Variants in PMPCA observed in about 807,000 individuals in gnomAD.
PMPCA encodes mitochondrial-processing peptidase subunit alpha.
Under a neutral mutation model 59.3 loss-of-function variants are expected in PMPCA, and 47 were observed. The ratio of observed to expected loss-of-function variants is 0.79; its 90% CI spans 0.63 to 1.01. The LOEUF is 1.01. Ranked by LOEUF, PMPCA falls within the 50% of genes least tolerant of loss-of-function variation. PMPCA has a pLI of 0.00. For synonymous variants in PMPCA, 338 were observed against 290.3 expected (o/e 1.16, Z -1.67); for missense variants, 726 against 704.5 (o/e 1.03, Z -0.34).
chr9:136,416,291 A>C lies in PMPCA; in HGVS notation c.533A>C (p.Asp178Ala), dbSNP rs1227261787. Residue 178 changes from aspartate to alanine, a missense_variant and splice_region_variant, in exon 6 of 13, where the codon GAT becomes GCT. Asp to Ala is a moderately radical substitution (Grantham distance 126, BLOSUM62 -2). Coordinates refer to ENST00000371717, the MANE Select transcript of PMPCA (RefSeq NM_015160.3). The part of the protein sequence containing the change: ...ADVVLQPRLT[D>A]EEVEMTRMAV... ...CCCTGGCCTTTGGGTTCTCTTGCAG[A>C]TGAAGAAGTCGAGATGACGCGGATG... 2 of 1,612,156 alleles carry C rather than the reference A, an allele frequency of 1.2e-6. No individual in the cohort carries two copies. The highest frequency in any genetic ancestry group is 3.3e-5 in the Admixed American group (2 of 60,018).
intron 7 of PMPCA, 42 bp downstream of exon 7, chr9:136,417,256 C>A: frequency 6.6e-7 from 1 of 1,511,460 alleles, no homozygotes; most frequent in Non-Finnish European, 8.9e-7. Context: ...GTGGGGAACA[C>A]GTCCCCTGGC....
At chr9:136,422,777 T>A in intron 12 of PMPCA, 1 of 1,105,882 alleles carries the variant, frequency 9.0e-7, no homozygotes, top group South Asian at 3.2e-5. Context: ...GGGCTGGGGG[T>A]TTTTTCTGCA....
Position 136,417,071 on chromosome 9 carries a change from G to T in PMPCA, c.754G>T (p.Val252Leu). 6.2e-7 allele frequency: 1 copy of T among 1,614,052 alleles called. No homozygotes were observed. The highest frequency in any genetic ancestry group is 1.7e-4 in the Middle Eastern group (1 of 6,054). ...GAACTACTACACTCCCGACCGCATG[G>T]TGCTGGCCGGCGTGGGCGTGGAGCA... ...LRNYYTPDRM[V>L]LAGVGVEHEH... The change falls in exon 7 of 13, where the codon GTG becomes TTG. Residue 252 changes from valine to leucine, a missense_variant. Val to Leu is a conservative substitution (Grantham distance 32). Transcript: ENST00000371717.
intron 11 of PMPCA, among the ~76,000 whole-genome samples, chr9:136,421,629 G>T (rs1001994963): frequency 2.0e-5 from 3 of 152,216 alleles, no homozygotes; most frequent in South Asian, 2.1e-4. Context: ...AGCCAGGATG[G>T]TCTCAATCTC....
chr9:136,412,444 A>T (rs750957587), intron 2 of PMPCA, 46 bp from the exon 3 acceptor site: 2 of 943,750 alleles, frequency 2.1e-6, no homozygotes, highest in Admixed American at 2.1e-5. Context: ...ATTAAATCTT[A>T]TTTTGAATAT....
At chr9:136,414,226 G>T (rs1334706704) in intron 4 of PMPCA, among the ~76,000 whole-genome samples, 2 of 152,210 alleles carry the variant, frequency 1.3e-5, no homozygotes, top group African/African-American at 4.8e-5. Context: ...TTTGACTCAA[G>T]CTGTGTGTAG....
In PMPCA at chr9:136,423,237, G is replaced by C. The variant is rs1835512936; in HGVS notation, c.1551G>C (p.Leu517=). 1.2e-6 allele frequency: 2 copies of C among 1,613,076 alleles called. No homozygotes were observed. The highest frequency in any genetic ancestry group is 2.7e-5 in the African/African-American group (2 of 74,942). Residue 517 remains leucine (L), a synonymous_variant, in exon 13 of 13, where the codon CTG becomes CTC. Coordinates refer to ENST00000371717, the MANE Select transcript of PMPCA (RefSeq NM_015160.3). ...CCCTGTCGAGTAAGGACGGGCGCCT[G>C]CCCAGGACGTACCGGCTCTTCCGGT... ...QTALSSKDGR[L]PRTYRLFR
At chr9:136,415,614 C>T (rs1311033441) in intron 5 of PMPCA, among the ~76,000 whole-genome samples, 3 of 152,158 alleles carry the variant, frequency 2.0e-5, no homozygotes, top group East Asian at 1.9e-4. Flanking sequence ...TGATGAAAGG[C>T]GCCCTTGACA....
intron 12 of PMPCA, chr9:136,422,818 G>A (rs1835496137): frequency 8.0e-7 from 1 of 1,243,350 alleles, no homozygotes; most frequent in Non-Finnish European, 1.0e-6. Context: ...ATCAGACACG[G>A]AGCTCGCTCT....
At position 136,422,689 on chromosome 9, in the gene PMPCA, A is replaced by G. The variant is rs763768488; in HGVS notation, c.1409-406A>G. On this transcript the variant is annotated intron_variant, in intron 12 of 12. Transcript: ENST00000371717. ...TAGAAAACAGACCCACCTGGACCCT[A>G]TCACTCCTGTCCTGGGGTTCCTGGG... 30 of 1,036,672 alleles carry G rather than the reference A, an allele frequency of 2.9e-5. No homozygotes were observed. In the African/African-American group the frequency reaches 3.9e-4, roughly 13 times the overall value. 64.2% of individuals were successfully genotyped at this position (1,036,672 alleles called of 1,614,324 possible).
At chr9:136,410,799 C>A in intron 1 of PMPCA, 60 bp downstream of exon 1, 1 of 1,298,206 alleles carries the variant, frequency 7.7e-7, no homozygotes, top group Non-Finnish European at 9.9e-7. Flanking sequence ...TCTTTCTGGA[C>A]GCTCCGTCTT....
intron 7 of PMPCA, among the ~76,000 whole-genome samples, chr9:136,417,471 ATTT>A (rs537510833): frequency 1.5e-5 from 2 of 132,596 alleles, no homozygotes; most frequent in Non-Finnish European, 1.6e-5. Context: ...TGCGTGTTGC[ATTT>A]TTTTTTTTTT....
In PMPCA at chr9:136,421,840, G is replaced by A. The variant is rs754978190; in HGVS notation, c.1272G>A (p.Leu424=). ...CTGGACCCTGGCCCCAGGTGGAGCT[G>A]GAACGAGCCAAGACGCAGCTGACAT... ...LMGGTVDTVE[L]ERAKTQLTSM... The change falls in exon 12 of 13, where the codon CTG becomes CTA. Residue 424 remains leucine (L), a synonymous_variant. Transcript: ENST00000371717. 1.3e-6 allele frequency: 2 copies of A among 1,589,022 alleles called. No individual in the cohort carries two copies. Among genetic ancestry groups the A allele is most frequent in the Admixed American group, 1.7e-5 (1 of 59,324 alleles).
At chr9:136,415,110 G>T (rs533261200) in intron 5 of PMPCA, among the ~76,000 whole-genome samples, 1 of 152,050 alleles carries the variant, frequency 6.6e-6, no homozygotes, top group African/African-American at 2.4e-5. Context: ...AAAGGAAAAA[G>T]AAATAGTGCT....
intron 6 of PMPCA, chr9:136,416,715 A>G (rs1484226207): frequency 8.5e-6 from 5 of 591,636 alleles, no homozygotes; most frequent in East Asian, 2.8e-5. Flanking sequence ...TATAGTAACT[A>G]GGTCTTTACT....
At position 136,412,549 on chromosome 9, in the gene PMPCA, T is replaced by G; in HGVS notation, c.334T>G (p.Leu112Val). The G allele has an allele frequency of 6.3e-7, 1 of 1,594,234 alleles. No individual in the cohort carries two copies. Among genetic ancestry groups the G allele is most frequent in the Non-Finnish European group, 8.6e-7 (1 of 1,163,896 alleles). ...ATACCTTAGTGGAATTGCTCACTTT[T>G]TGGAAAAATTGGCATTTTCGGTCAG... is the stretch of plus-strand genomic sequence containing the variant. ...AKYLSGIAHF[L>V]EKLAFSSTAR... Residue 112 changes from leucine to valine, a missense_variant, in exon 3 of 13, where the codon TTG (leucine) becomes GTG (valine). Coordinates refer to ENST00000371717, the MANE Select transcript of PMPCA (RefSeq NM_015160.3).
In PMPCA at chr9:136,417,220, G is replaced by T. The variant is rs150776126; in HGVS notation, c.897+6G>T. The T allele has an allele frequency of 6.4e-7, 1 of 1,565,648 alleles. No homozygotes were observed. The highest frequency in any genetic ancestry group is 8.7e-7 in the Non-Finnish European group (1 of 1,150,704). ...ACACTGGGGGGATTGCCAAGGTGAA[G>T]TAGCGGGAACGTCTCATGGCCTCGG... On this transcript the variant is annotated splice_donor_region_variant and intron_variant, in intron 7 of 12. Coordinates refer to ENST00000371717, the MANE Select transcript of PMPCA (RefSeq NM_015160.3).
At chr9:136,418,523 G>C in intron 8 of PMPCA, 32 bp from the exon 9 acceptor site, 1 of 1,370,772 alleles carries the variant, frequency 7.3e-7, no homozygotes, top group South Asian at 1.2e-5. Context: ...TGGCGTGGGT[G>C]GTTCAGCCAG....
chr9:136,422,734 C>T, intron 12 of PMPCA: 1 of 1,077,956 alleles, frequency 9.3e-7, no homozygotes, highest in South Asian at 3.1e-5. Flanking sequence ...TTGGCCTTCT[C>T]TCACCCCACC....
Sources: allele counts gnomAD v4.1 joint callset (sites outside exome capture counted in the v4.1 genomes callset), GRCh38; gene constraint gnomAD v4.1.1; transcripts MANE v1.5; gene names NCBI Gene and HGNC (gene_info 2026-07-23, HGNC 2026-07-21).